The following LCMT1 variants were observed in gnomAD, a reference collection of about 807,000 sequenced individuals.
LCMT1 encodes [Phosphatase 2A protein]-leucine-carboxy methyltransferase 1.
A neutral mutation model predicts 47.7 loss-of-function variants in LCMT1; 32 were observed. The observed-to-expected ratio is 0.67, with a 90% confidence interval of 0.51 to 0.90. LCMT1 has a LOEUF of 0.90. Ranked by LOEUF, LCMT1 falls within the 40% of genes least tolerant of loss-of-function variation. The pLI, the probability that LCMT1 is intolerant of heterozygous loss-of-function variation, is 0.00. For missense variants in LCMT1, 375 were observed against 415.2 expected (o/e 0.90, Z 0.84); for synonymous variants, 152 against 149.7 (o/e 1.02, Z -0.11).
At chr16:25,163,364 G>C (rs1221361439) in intron 6 of LCMT1, among the ~76,000 whole-genome samples, 1 of 151,782 alleles carries the variant, frequency 6.6e-6, no homozygotes, top group Non-Finnish European at 1.5e-5. Context: ...AGCTACTCGG[G>C]AGGCCAAGGC....
At chr16:25,118,987 T>C (rs1959885143) in intron 1 of LCMT1, among the ~76,000 whole-genome samples, 2 of 152,128 alleles carry the variant, frequency 1.3e-5, no homozygotes, top group African/African-American at 2.4e-5. Flanking sequence ...TTAATAGCAT[T>C]GCTTCAGCCT....
chr16:25,122,494 TA>T (rs1182136243), intron 1 of LCMT1, among the ~76,000 whole-genome samples: 1 of 152,164 alleles, frequency 6.6e-6, no homozygotes, highest in Admixed American at 6.5e-5. Flanking sequence ...AATTTATTTT[TA>T]TTTTTTTATT....
Position 25,117,625 on chromosome 16 carries a change from G to T in LCMT1, c.113+5629G>T, listed in dbSNP as rs141343827. Among the ~76,000 whole-genome samples the T allele has an allele frequency of 4.3e-3, 654 of 152,224 alleles. 3 individuals are homozygous for T. The highest frequency in any genetic ancestry group is 0.015 in the African/African-American group (633 of 41,530). On this transcript the variant is annotated intron_variant, in intron 1 of 10. Coordinates refer to ENST00000399069, the MANE Select transcript of LCMT1 (RefSeq NM_016309.3). ...TCCCAGCACTTTCGGAGCCGAGATG[G>T]GTGGATCACCTGAGGTCAGAAGTTT...
At chr16:25,155,151 C>T (rs1961214138) in intron 5 of LCMT1, among the ~76,000 whole-genome samples, 1 of 151,994 alleles carries the variant, frequency 6.6e-6, no homozygotes. Context: ...ATCCTGATTT[C>T]AGGAATGTTA....
Position 25,111,815 on chromosome 16 carries a change from G to A in LCMT1, c.-69G>A, listed in dbSNP as rs1157348594. The A allele has an allele frequency of 1.0e-5, 11 of 1,056,936 alleles. No homozygotes were observed. The highest frequency in any genetic ancestry group is 5.3e-4 in the Middle Eastern group (2 of 3,742). 65.5% of individuals were successfully genotyped at this position (1,056,936 alleles called of 1,614,324 possible). A position where few individuals can be genotyped will look rare whatever the true frequency, so the allele number is the denominator to read the frequency against. Reference sequence around the variant, plus strand: ...TTGCTTTCTCCCTGTGGCTCGCGCCGTCCCCCGCCGCCCGTCGACCCCGCT... The same window carrying A: ...TTGCTTTCTCCCTGTGGCTCGCGCCATCCCCCGCCGCCCGTCGACCCCGCT... On this transcript the variant is annotated 5_prime_UTR_variant, in exon 1 of 11. Transcript: ENST00000399069.
rs1271021442 is a variant in LCMT1 at position 25,178,039 on chromosome 16, T to C, written c.*16T>C. 1.9e-6 allele frequency: 3 copies of C among 1,613,322 alleles called. No individual in the cohort carries two copies. The Admixed American group carries it at 5.0e-5, about 27-fold the overall frequency. ...AACTTATTAATCTGTCGAAGGCTTA[T>C]GCCGAGCCAGAAGCCGAAGCCACTT... On this transcript the variant is annotated 3_prime_UTR_variant, in exon 11 of 11. Coordinates refer to ENST00000399069, the MANE Select transcript of LCMT1 (RefSeq NM_016309.3).
At chr16:25,141,837 T>C (rs963653400) in intron 4 of LCMT1, 3 of 152,246 alleles carry the variant, frequency 2.0e-5, no homozygotes, top group Non-Finnish European at 2.9e-5. Context: ...CTTTTATGGC[T>C]CTGCCTGTAC....
At chr16:25,175,719 C>G (rs762043662) in intron 10 of LCMT1, among the ~76,000 whole-genome samples, 8 of 152,144 alleles carry the variant, frequency 5.3e-5, no homozygotes, top group Admixed American at 3.3e-4. Flanking sequence ...GCATGAGCCA[C>G]TGTGCCTGGC....
chr16:25,127,153 C>G (rs1225047805), intron 1 of LCMT1, among the ~76,000 whole-genome samples: 1 of 152,140 alleles, frequency 6.6e-6, no homozygotes, highest in African/African-American at 2.4e-5. Flanking sequence ...CACTTGAAGC[C>G]AAGAGTAAGC....
intron 1 of LCMT1, among the ~76,000 whole-genome samples, chr16:25,119,191 C>T (rs945860266): frequency 6.6e-6 from 1 of 152,106 alleles, no homozygotes; most frequent in Non-Finnish European, 1.5e-5. Context: ...TGGGGCAAGA[C>T]TGAGGGGCCC....
In LCMT1 at chr16:25,133,739, G is replaced by T. The variant is rs954294557; in HGVS notation, c.327+1216G>T. On this transcript the variant is annotated intron_variant, in intron 3 of 10. Coordinates refer to ENST00000399069, the MANE Select transcript of LCMT1 (RefSeq NM_016309.3). Reference sequence around the variant, plus strand: ...AATAGCCAAACCGTTTCCCTACAAAGTCCTCACTAATTGGCCGGGCATGGT... The same window carrying T: ...AATAGCCAAACCGTTTCCCTACAAATTCCTCACTAATTGGCCGGGCATGGT... 3.3e-5 allele frequency among the ~76,000 whole-genome samples: 5 copies of T among 150,072 alleles called. No homozygotes were observed. In the East Asian group the frequency reaches 8.2e-4, roughly 25 times the overall value.
intron 1 of LCMT1, among the ~76,000 whole-genome samples, chr16:25,118,874 G>T (rs891463297): frequency 4.6e-5 from 7 of 152,158 alleles, no homozygotes; most frequent in Non-Finnish European, 7.4e-5. Context: ...AGATGCTGCA[G>T]GTCACTCGAG....
chr16:25,173,182 C>T (rs946517134), intron 9 of LCMT1, among the ~76,000 whole-genome samples: 4 of 152,140 alleles, frequency 2.6e-5, no homozygotes, highest in East Asian at 1.9e-4. Flanking sequence ...GCTGTGTGCC[C>T]GGCACTTTTC....
chr16:25,125,253 C>G (rs925624462), intron 1 of LCMT1, among the ~76,000 whole-genome samples: 13 of 152,162 alleles, frequency 8.5e-5, no homozygotes, highest in African/African-American at 3.1e-4. Context: ...TATGTATTCT[C>G]TAACAAAATT....
chr16:25,156,059 C>T (rs1961248435), intron 5 of LCMT1, among the ~76,000 whole-genome samples: 1 of 152,036 alleles, frequency 6.6e-6, no homozygotes. Context: ...CAAGAATGTT[C>T]TTCCCCTCAG....
rs541904199 is a variant in LCMT1 at position 25,171,065 on chromosome 16, G to A, written c.884+260G>A. On this transcript the variant is annotated intron_variant, in intron 9 of 10. Transcript: ENST00000399069. ...GGCCTGGCCAACATGGTGAAACCTTGTCTCTACTAAAAATGCAAAAATTAG... is the reference window on the plus strand; with the variant it reads ...GGCCTGGCCAACATGGTGAAACCTTATCTCTACTAAAAATGCAAAAATTAG... Among the ~76,000 whole-genome samples, 16 of 152,108 alleles carry A rather than the reference G, an allele frequency of 1.1e-4. No homozygotes were observed. In the East Asian group the frequency reaches 2.7e-3, roughly 26 times the overall value.
At chr16:25,146,131 T>TA (rs1292623260) in intron 4 of LCMT1, 1 of 152,288 alleles carries the variant, frequency 6.6e-6, no homozygotes, top group Non-Finnish European at 1.5e-5. Flanking sequence ...TAAATTTTCT[T>TA]ACCTTAGGAC....
chr16:25,170,664 G>C (rs770710687), intron 8 of LCMT1, 50 bp from the exon 9 acceptor site: 21 of 1,377,586 alleles, frequency 1.5e-5, no homozygotes, highest in Non-Finnish European at 2.2e-5. Context: ...TTTGTAAGCC[G>C]GTGCCTGGTA....
At position 25,118,202 on chromosome 16, in the gene LCMT1, A is replaced by C. The variant is rs146955180; in HGVS notation, c.113+6206A>C. On this transcript the variant is annotated intron_variant, in intron 1 of 10. Transcript: ENST00000399069. ...AAGACCAGCATTTCTTACGTGGGCTATAGGGCCCAGCCTGCTCTGTGTACT... is the reference window on the plus strand; with the variant it reads ...AAGACCAGCATTTCTTACGTGGGCTCTAGGGCCCAGCCTGCTCTGTGTACT... Among the ~76,000 whole-genome samples the C allele has an allele frequency of 3.0e-3, 457 of 152,224 alleles. 2 individuals carry two copies. Among genetic ancestry groups the C allele is most frequent in the Middle Eastern group, 6.8e-3 (2 of 294 alleles).
Sources: allele counts gnomAD v4.1 joint callset (sites outside exome capture counted in the v4.1 genomes callset), GRCh38; gene constraint gnomAD v4.1.1; transcripts MANE v1.5; gene names NCBI Gene and HGNC (gene_info 2026-07-23, HGNC 2026-07-21).